The following PDE8A variants were observed in gnomAD, a reference collection of about 807,000 sequenced individuals.
The protein encoded by PDE8A is phosphodiesterase 8A, also known as high affinity cAMP-specific and IBMX-insensitive 3',5'-cyclic phosphodiesterase 8A.
In PDE8A, 59 loss-of-function variants were observed where a neutral mutation model predicts 105.0. The observed-to-expected ratio is 0.56, with a 90% CI of 0.46 to 0.70. PDE8A has a LOEUF of 0.70. Ranked by LOEUF, PDE8A falls within the 30% of genes least tolerant of loss-of-function variation. The probability of loss-of-function intolerance (pLI) is 0.00; values close to 1 mark genes in which losing one functional copy is unlikely to be tolerated. For synonymous variants in PDE8A, 355 were observed against 371.9 expected (o/e 0.95, Z 0.52); for missense variants, 1,014 against 1,045.9 (o/e 0.97, Z 0.42).
At chr15:85,127,472 A>G (rs746013190) in intron 20 of PDE8A, among the ~76,000 whole-genome samples, 196 of 152,342 alleles carry the variant, frequency 1.3e-3, no homozygotes, top group Non-Finnish European at 2.1e-3. Context: ...TGATTTACCA[A>G]TGTCATAGGA....
intron 1 of PDE8A, among the ~76,000 whole-genome samples, chr15:85,035,593 G>A (rs2080693141): frequency 6.6e-6 from 1 of 151,952 alleles, no homozygotes; most frequent in African/African-American, 2.4e-5. Flanking sequence ...AAGGTGATTA[G>A]TTTCACTCCT....
At chr15:85,129,122 AT>A (rs1462385873) in intron 20 of PDE8A, among the ~76,000 whole-genome samples, 1 of 152,212 alleles carries the variant, frequency 6.6e-6, no homozygotes, top group African/African-American at 2.4e-5. Flanking sequence ...GTCATTGTGT[AT>A]AATCCTTTAA....
intron 1 of PDE8A, among the ~76,000 whole-genome samples, chr15:85,050,208 A>C (rs970097900): frequency 6.6e-6 from 1 of 152,100 alleles, no homozygotes; most frequent in Non-Finnish European, 1.5e-5. Flanking sequence ...TATATTGTAG[A>C]TATTACTCTC....
intron 1 of PDE8A, among the ~76,000 whole-genome samples, chr15:84,983,452 G>T (rs577555606): frequency 6.6e-6 from 1 of 152,206 alleles, no homozygotes; most frequent in South Asian, 2.1e-4. Context: ...ATTTCTAGCA[G>T]TCGTCATGAT....
chr15:85,058,007 T>C (rs1351350143), intron 1 of PDE8A, among the ~76,000 whole-genome samples: 1 of 152,158 alleles, frequency 6.6e-6, no homozygotes. Context: ...TTTCTTTTAG[T>C]GTCTTTTGTT....
chr15:84,981,970 G>C lies in PDE8A; in HGVS notation c.-193G>C, dbSNP rs2079716193. On this transcript the variant is annotated 5_prime_UTR_variant, in exon 1 of 22. Transcript: ENST00000394553. Reference sequence around the variant, plus strand: ...CCCGCCTAAGCGCCCCCTTCCCACCGCAGCCGCCGCCGCCGCAGCGCCCGC... The same window carrying C: ...CCCGCCTAAGCGCCCCCTTCCCACCCCAGCCGCCGCCGCCGCAGCGCCCGC... 1 of 288,504 alleles carries C rather than the reference G, an allele frequency of 3.5e-6. No individual in the cohort carries two copies. Among genetic ancestry groups the C allele is most frequent in the African/African-American group, 2.2e-5 (1 of 44,744 alleles). 17.9% of individuals were successfully genotyped at this position (288,504 alleles called of 1,614,324 possible). A position where few individuals can be genotyped will look rare whatever the true frequency, so the allele number is the denominator to read the frequency against.
chr15:85,122,261 A>G (rs2082194326), intron 18 of PDE8A, among the ~76,000 whole-genome samples: 1 of 152,210 alleles, frequency 6.6e-6, no homozygotes, highest in Admixed American at 6.5e-5. Flanking sequence ...CACAAGGGTC[A>G]TATGTCACTG....
At chr15:85,016,058 C>G (rs2080320165) in intron 1 of PDE8A, among the ~76,000 whole-genome samples, 1 of 152,144 alleles carries the variant, frequency 6.6e-6, no homozygotes, top group Non-Finnish European at 1.5e-5. Context: ...ATCACTTGAA[C>G]CCGGGAAGTG....
chr15:85,132,912 G>T (rs1319558326), intron 20 of PDE8A, among the ~76,000 whole-genome samples: 8 of 152,072 alleles, frequency 5.3e-5, no homozygotes, highest in Non-Finnish European at 1.2e-4. Context: ...TCTTTGTCCA[G>T]TGCCTGTACA....
intron 1 of PDE8A, among the ~76,000 whole-genome samples, chr15:85,043,498 T>C (rs2080841469): frequency 6.6e-6 from 1 of 152,206 alleles, no homozygotes; most frequent in Non-Finnish European, 1.5e-5. Context: ...TTGGGTTATC[T>C]CTCCTATAGT....
At chr15:85,110,308 A>G (rs1205445655) in intron 12 of PDE8A, among the ~76,000 whole-genome samples, 2 of 152,152 alleles carry the variant, frequency 1.3e-5, no homozygotes, top group Admixed American at 6.5e-5. Context: ...GTTTTAATAA[A>G]CATCTTTTTC....
chr15:85,038,961 A>G (rs1451567957), intron 1 of PDE8A, among the ~76,000 whole-genome samples: 1 of 152,124 alleles, frequency 6.6e-6, no homozygotes, highest in East Asian at 1.9e-4. Context: ...GTCTCTACTA[A>G]AGATACAAAA....
chr15:85,009,778 CCA>C (rs1168107606), intron 1 of PDE8A, among the ~76,000 whole-genome samples: 2 of 152,214 alleles, frequency 1.3e-5, no homozygotes, highest in African/African-American at 4.8e-5. Flanking sequence ...AGTTCTACTT[CCA>C]GTTATATAGC....
intron 11 of PDE8A, among the ~76,000 whole-genome samples, 200 bp from the exon 12 acceptor site, chr15:85,108,853 T>A (rs2081982258): frequency 6.6e-6 from 1 of 152,208 alleles, no homozygotes; most frequent in Non-Finnish European, 1.5e-5. Flanking sequence ...CTTGTTTATC[T>A]GTGCACCTGG....
intron 21 of PDE8A, 78 bp from the exon 22 acceptor site, chr15:85,137,719 T>C: frequency 1.1e-6 from 1 of 934,974 alleles, no homozygotes; most frequent in Non-Finnish European, 1.7e-6. Flanking sequence ...TCTGTCACTC[T>C]TTAAAATGCT....
At chr15:85,123,261 A>C (rs1436139848) in intron 19 of PDE8A, 68 bp downstream of exon 19, 1 of 1,481,226 alleles carries the variant, frequency 6.8e-7, no homozygotes, top group African/African-American at 1.4e-5. Context: ...ATGGAGACAC[A>C]TGGGCTATGA....
chr15:85,129,273 G>T (rs1046599637), intron 20 of PDE8A, among the ~76,000 whole-genome samples: 1 of 152,174 alleles, frequency 6.6e-6, no homozygotes, highest in African/African-American at 2.4e-5. Flanking sequence ...AATGAGTTAG[G>T]AAGTACTTCC....
chr15:85,107,798 G>T (rs1007212813), intron 11 of PDE8A, among the ~76,000 whole-genome samples: 1 of 152,180 alleles, frequency 6.6e-6, no homozygotes, highest in African/African-American at 2.4e-5. Context: ...GAGGCCTGGG[G>T]TAAGATGGCA....
intron 5 of PDE8A, among the ~76,000 whole-genome samples, chr15:85,081,057 A>C (rs1283412234): frequency 6.6e-6 from 1 of 152,206 alleles, no homozygotes; most frequent in Non-Finnish European, 1.5e-5. Flanking sequence ...TTGTGTGACA[A>C]AAGGATGCTC....
Sources: gnomAD v4.1 joint callset for allele counts (sites outside exome capture counted in the v4.1 genomes callset) on GRCh38, gnomAD v4.1.1 for gene constraint, MANE v1.5 for transcripts, NCBI Gene and HGNC (gene_info 2026-07-23, HGNC 2026-07-21) for gene names.